The following RMDN2 variants were observed in gnomAD, a reference collection of about 807,000 sequenced individuals.
RMDN2 encodes the protein regulator of microtubule dynamics 2.
Under a neutral mutation model 52.8 loss-of-function variants are expected in RMDN2, and 61 were observed. The observed-to-expected ratio is 1.16, with a 90% confidence interval of 0.94 to 1.43. RMDN2 has a LOEUF of 1.43. RMDN2 is among the 40% of genes most tolerant of loss of function. The pLI is 0.00. For missense variants in RMDN2, 592 were observed against 475.3 expected, an observed-to-expected ratio of 1.25 and a Z score of -2.28; for synonymous variants, 180 against 153.1, an observed-to-expected ratio of 1.18 and a Z score of -1.30.
upstream of RMDN2, among the ~76,000 whole-genome samples, chr2:37,922,199 G>A (rs1453203372): frequency 6.6e-6 from 1 of 152,178 alleles, no homozygotes. Context: ...GCTCTTTGAA[G>A]CGGGGGTTGG....
intron 10 of RMDN2, chr2:38,039,357 C>T (rs781402079): frequency 2.0e-5 from 3 of 152,138 alleles, no homozygotes; most frequent in Non-Finnish European, 4.4e-5. Context: ...GGATGGAAGC[C>T]AACATACAGT....
At chr2:38,063,831 A>T (rs1682154851) in intron 10 of RMDN2, among the ~76,000 whole-genome samples, 1 of 152,220 alleles carries the variant, frequency 6.6e-6, no homozygotes, top group African/African-American at 2.4e-5. Flanking sequence ...CCTCCCCAAT[A>T]CTTGGTATAT....
intron 2 of RMDN2, among the ~76,000 whole-genome samples, chr2:37,933,316 C>T (rs1666999021): frequency 1.3e-5 from 2 of 152,018 alleles, no homozygotes; most frequent in African/African-American, 4.8e-5. Context: ...GGGCTCCTCA[C>T]ATCCCAGACG....
intron 10 of RMDN2, among the ~76,000 whole-genome samples, chr2:38,061,018 A>T (rs1197152077): frequency 6.6e-6 from 1 of 152,010 alleles, no homozygotes; most frequent in African/African-American, 2.4e-5. Context: ...ATCAGTGTGG[A>T]GTCCTTTGGT....
At chr2:37,975,704 A>T (rs1400653181) in intron 4 of RMDN2, among the ~76,000 whole-genome samples, 1 of 152,208 alleles carries the variant, frequency 6.6e-6, no homozygotes, top group Non-Finnish European at 1.5e-5. Flanking sequence ...GTGTAATAAA[A>T]AAAAAGATCT....
At chr2:38,013,823 C>T (rs1378395435) in intron 10 of RMDN2, among the ~76,000 whole-genome samples, 2 of 152,130 alleles carry the variant, frequency 1.3e-5, no homozygotes, top group Non-Finnish European at 2.9e-5. Flanking sequence ...TTCTTGTTTG[C>T]CCATTTCTTT....
At chr2:38,003,604 G>GATAGATAGATAGATAGATAGATAGATAGA (rs1306774545) in intron 8 of RMDN2, among the ~76,000 whole-genome samples, 8 of 103,168 alleles carry the variant, frequency 7.8e-5, no homozygotes, top group African/African-American at 1.7e-4. Flanking sequence ...AGATAGATAG[G>GATAGATAGATAGATAGATAGATAGATAGA]CAGACAGACA....
chr2:37,958,996 A>G (rs374056324), intron 2 of RMDN2, among the ~76,000 whole-genome samples: 2 of 151,198 alleles, frequency 1.3e-5, no homozygotes, highest in East Asian at 1.9e-4. Flanking sequence ...CATCCTTAGG[A>G]TGAAGCTGAC....
chr2:38,015,563 CAA>C (rs397984334), intron 10 of RMDN2, among the ~76,000 whole-genome samples: 9 of 98,564 alleles, frequency 9.1e-5, no homozygotes, highest in Non-Finnish European at 9.0e-5. Flanking sequence ...GACTCCGTCT[CAA>C]AAAAAAAAAA....
At chr2:37,922,820 G>A (rs1367662278), upstream of RMDN2, among the ~76,000 whole-genome samples, 1 of 152,198 alleles carries the variant, frequency 6.6e-6, no homozygotes, top group Non-Finnish European at 1.5e-5. Flanking sequence ...TTTTGGACGG[G>A]TGGCAAGCAA....
chr2:37,997,783 A>G, intron 8 of RMDN2: 1 of 374,740 alleles, frequency 2.7e-6, no homozygotes, highest in Non-Finnish European at 4.9e-6. Flanking sequence ...TTTAGGTTTG[A>G]CAGCTCTTAC....
At chr2:37,977,139 T>C (rs925645361) in intron 4 of RMDN2, among the ~76,000 whole-genome samples, 2 of 152,218 alleles carry the variant, frequency 1.3e-5, no homozygotes, top group African/African-American at 2.4e-5. Flanking sequence ...ACACAGCATA[T>C]GTTTCAGAGA....
chr2:37,970,353 A>G (rs1446298), intron 2 of RMDN2, among the ~76,000 whole-genome samples: 1,956 of 152,290 alleles, frequency 0.013, 42 homozygotes, highest in African/African-American at 0.044. Flanking sequence ...GAAATTGTCT[A>G]ATGTCAAACT....
intron 2 of RMDN2, chr2:37,950,463 C>G: frequency 6.2e-7 from 1 of 1,611,018 alleles, no homozygotes; most frequent in Non-Finnish European, 8.5e-7. Flanking sequence ...ATGTTAACTC[C>G]ACATGCAGCT....
rs142888184 is a variant in RMDN2, at chr2:38,044,219, C to G, written c.1714-22763C>G. On this transcript the variant is annotated intron_variant, in intron 10 of 10. Coordinates refer to the RMDN2 transcript ENST00000234195. Reference sequence around the variant, plus strand: ...TTCTTTCAACACTAAATATTTTACACTCTTCTTCCTTGATAAGAAATCTGA... The same window carrying G: ...TTCTTTCAACACTAAATATTTTACAGTCTTCTTCCTTGATAAGAAATCTGA... 2.5e-3 allele frequency among the ~76,000 whole-genome samples: 379 copies of G among 152,022 alleles called. 1 individual carries two copies. Among genetic ancestry groups the G allele is most frequent in the African/African-American group, 8.6e-3 (359 of 41,528 alleles).
At chr2:38,028,658 C>T (rs1248224807) in intron 10 of RMDN2, among the ~76,000 whole-genome samples, 3 of 152,156 alleles carry the variant, frequency 2.0e-5, no homozygotes, top group Admixed American at 2.0e-4. Context: ...AGCCTCTGGT[C>T]CAGCTCTGCC....
At chr2:37,923,743 C>T (rs1451810456), upstream of RMDN2, among the ~76,000 whole-genome samples, 1 of 152,180 alleles carries the variant, frequency 6.6e-6, no homozygotes, top group African/African-American at 2.4e-5. Context: ...TTTCCAAATA[C>T]AACTTAGGTT....
chr2:37,963,904 GC>G (rs368944368), intron 2 of RMDN2, among the ~76,000 whole-genome samples: 1 of 148,694 alleles, frequency 6.7e-6, no homozygotes, highest in Non-Finnish European at 1.5e-5. Flanking sequence ...GGGCAGAGGC[GC>G]CCCCCCACCT....
chr2:37,958,736 C>G (rs1255959245), intron 2 of RMDN2, among the ~76,000 whole-genome samples: 1 of 150,832 alleles, frequency 6.6e-6, no homozygotes, highest in Non-Finnish European at 1.5e-5. Context: ...GGGAATGCTT[C>G]CAGCTTTTGC....
Sources: gnomAD v4.1 joint callset for allele counts (sites outside exome capture counted in the v4.1 genomes callset) on GRCh38, gnomAD v4.1.1 for gene constraint, MANE v1.5 for transcripts, NCBI Gene and HGNC (gene_info 2026-07-23, HGNC 2026-07-21) for gene names.